Variants in CFAP92 observed in about 807,000 individuals in gnomAD.
CFAP92 encodes cilia and flagella associated protein 92 (putative), also known as uncharacterized protein CFAP92.
A neutral mutation model predicts 106.3 loss-of-function variants in CFAP92; 86 were observed. The ratio of observed to expected loss-of-function variants is 0.81; its 90% CI spans 0.68 to 0.97. CFAP92 has a LOEUF of 0.97. Ranked by LOEUF, CFAP92 falls within the 50% of genes least tolerant of loss-of-function variation. CFAP92 has a pLI of 0.00. For synonymous variants in CFAP92, 477 were observed against 506.4 expected (o/e 0.94, Z 0.78); for missense variants, 1,204 against 1,283.8 (o/e 0.94, Z 0.95).
rs953594414 is a variant in CFAP92 at position 128,965,190 on chromosome 3, C to T, written c.1353+321G>A. Among the ~76,000 whole-genome samples the T allele has an allele frequency of 3.3e-5, 5 of 152,274 alleles. No homozygotes were observed. The East Asian group carries it at 5.8e-4, about 18-fold the overall frequency. The stretch of plus-strand genomic sequence containing the variant: ...AATTCTCCCCACTCTTGAGAATGTA[C>T]TTTGTGAGATCCACCCCTGCCCACC... On this transcript the variant is annotated intron_variant, in intron 9 of 15. Coordinates refer to ENST00000645291, the MANE Select transcript of CFAP92 (RefSeq NM_001394090.1).
At chr3:129,002,539 T>A in intron 1 of CFAP92, 1 of 963,622 alleles carries the variant, frequency 1.0e-6, no homozygotes. Flanking sequence ...CCTATTCCAT[T>A]CCTGAAAACC....
At position 128,910,723 on chromosome 3, in the gene CFAP92, T is replaced by G. The variant is rs1038995992; in HGVS notation, c.3281-390A>C. The G allele has an allele frequency of 6.2e-7, 1 of 1,614,160 alleles. No individual in the cohort carries two copies. Among genetic ancestry groups the G allele is most frequent in the Non-Finnish European group, 8.5e-7 (1 of 1,179,968 alleles). On this transcript the variant is annotated intron_variant, in intron 15 of 15. Coordinates refer to ENST00000645291, the MANE Select transcript of CFAP92 (RefSeq NM_001394090.1). ...TCCAGGAATTTGGGCATATCTTTTC[T>G]GTCCTCGGTTCTGGCAGGTTCTCTT... is the stretch of plus-strand genomic sequence containing the variant.
At chr3:128,977,981 A>T in intron 5 of CFAP92, 64 bp downstream of exon 5, 1 of 1,603,600 alleles carries the variant, frequency 6.2e-7, no homozygotes, top group Non-Finnish European at 8.5e-7. Flanking sequence ...CCAGCACACC[A>T]CACAACCGCT....
intron 1 of CFAP92, chr3:129,001,484 G>A: frequency 8.0e-7 from 1 of 1,249,310 alleles, no homozygotes; most frequent in African/African-American, 1.6e-5. Flanking sequence ...GGCCAGCGCA[G>A]CTGCTGGACA....
At chr3:128,978,923 A>T (rs1301637459) in intron 4 of CFAP92, among the ~76,000 whole-genome samples, 1 of 152,356 alleles carries the variant, frequency 6.6e-6, no homozygotes, top group East Asian at 1.9e-4. Context: ...AAACACCAAA[A>T]ACAATGGTAA....
chr3:128,999,588 G>A (rs571959069), intron 1 of CFAP92, among the ~76,000 whole-genome samples: 2 of 144,774 alleles, frequency 1.4e-5, no homozygotes, highest in African/African-American at 5.3e-5. Context: ...GCCCAGGCTG[G>A]AGTGCAATGG....
In CFAP92 at chr3:128,909,876, C is replaced by T. The variant is rs1936072426; in HGVS notation, c.*423G>A. On this transcript the variant is annotated 3_prime_UTR_variant, in exon 16 of 16. Coordinates refer to ENST00000645291, the MANE Select transcript of CFAP92 (RefSeq NM_001394090.1). ...AGAAGGTGGCTGGGAGCCGTTCTCC[C>T]ACAACCTGAAGAGAAAGGTGTTATT... 1 of 1,199,376 alleles carries T rather than the reference C, an allele frequency of 8.3e-7. No individual in the cohort carries two copies. Among genetic ancestry groups the T allele is most frequent in the African/African-American group, 1.5e-5 (1 of 66,464 alleles). 74.3% of individuals were successfully genotyped at this position (1,199,376 alleles called of 1,614,324 possible).
chr3:128,952,556 T>G (rs1480949168), intron 9 of CFAP92, among the ~76,000 whole-genome samples: 1 of 152,156 alleles, frequency 6.6e-6, no homozygotes, highest in African/African-American at 2.4e-5. Context: ...TGAAAAGGAA[T>G]CTGAAGCAGT....
intron 9 of CFAP92, among the ~76,000 whole-genome samples, chr3:128,964,827 C>T (rs1449793344): frequency 6.6e-6 from 1 of 152,174 alleles, no homozygotes; most frequent in East Asian, 1.9e-4. Context: ...CCACGCTGCC[C>T]CTAATCCCGC....
At chr3:129,020,234 C>G in the CFAP92 span, among the ~76,000 whole-genome samples, 1 of 152,122 alleles carries the variant, frequency 6.6e-6, no homozygotes. Context: ...AAGCTGTAAA[C>G]AGAGTGTGGG....
At chr3:128,921,659 G>C (rs1299024856) in intron 12 of CFAP92, among the ~76,000 whole-genome samples, 1 of 152,212 alleles carries the variant, frequency 6.6e-6, no homozygotes, top group African/African-American at 2.4e-5. Flanking sequence ...TCAATCAACA[G>C]AAAAGTCCCA....
At chr3:128,937,408 C>T (rs1219655786) in intron 10 of CFAP92, among the ~76,000 whole-genome samples, 1 of 151,160 alleles carries the variant, frequency 6.6e-6, no homozygotes, top group African/African-American at 2.4e-5. Flanking sequence ...GTCAGGAGAT[C>T]GAGACCAAGG....
At chr3:129,002,255 C>T in intron 1 of CFAP92, 1 of 1,531,390 alleles carries the variant, frequency 6.5e-7, no homozygotes, top group Non-Finnish European at 8.7e-7. Flanking sequence ...AGAATAGCAG[C>T]TTGCGCGAGT....
At chr3:129,014,638 T>C in the CFAP92 span, among the ~76,000 whole-genome samples, 1 of 152,096 alleles carries the variant, frequency 6.6e-6, no homozygotes, top group Non-Finnish European at 1.5e-5. The surrounding 1 kb of genome is among the most constrained non-coding windows in gnomAD (Gnocchi z 4.3). Context: ...AACATATGAA[T>C]TGGGGAGACA....
intron 10 of CFAP92, among the ~76,000 whole-genome samples, chr3:128,939,795 CAT>C (rs1939448021): frequency 6.6e-6 from 1 of 152,296 alleles, no homozygotes; most frequent in Admixed American, 6.5e-5. Context: ...ATTAGATTCT[CAT>C]AAGGAATGCG....
At chr3:129,001,518 A>G in intron 1 of CFAP92, 1 of 1,328,678 alleles carries the variant, frequency 7.5e-7, no homozygotes, top group Middle Eastern at 2.8e-4. Context: ...CGCTCCAACC[A>G]GACCGCGACC....
At position 128,953,566 on chromosome 3, in the gene CFAP92, G is replaced by T. The variant is rs374140636; in HGVS notation, c.1354-7591C>A. 1.5e-4 allele frequency among the ~76,000 whole-genome samples: 20 copies of T among 135,608 alleles called. 1 individual carries two copies. Among genetic ancestry groups the T allele is most frequent in the Admixed American group, 4.3e-4 (6 of 13,994 alleles). The allele number at this position is 135,608 out of a possible 152,430, so 89.0% of individuals were successfully genotyped here. ...TCACTCGCTTAAGAAGCAGCAACAC[G>T]GTCTCCCTCTCCCTCTCCCTCTCCC... On this transcript the variant is annotated intron_variant, in intron 9 of 15. Transcript: ENST00000645291.
chr3:129,013,993 C>T, the CFAP92 span, among the ~76,000 whole-genome samples: 6 of 152,176 alleles, frequency 3.9e-5, no homozygotes, highest in African/African-American at 7.2e-5. Context: ...CCGGAGAGGA[C>T]CGAGGTGACT....
At chr3:128,911,792 T>C (rs789240) in intron 15 of CFAP92, among the ~76,000 whole-genome samples, 66,427 of 152,108 alleles carry the variant, frequency 0.44, 17,015 homozygotes, top group African/African-American at 0.7. Flanking sequence ...GGGAGGAGCA[T>C]CTGGTTGTAC....
Sources: allele counts gnomAD v4.1 joint callset (sites outside exome capture counted in the v4.1 genomes callset), GRCh38; gene constraint gnomAD v4.1.1; non-coding constraint Gnocchi (gnomAD v3.1); transcripts MANE v1.5; gene names NCBI Gene and HGNC (gene_info 2026-07-23, HGNC 2026-07-21).